NAALADL2: variants seen among roughly 807,000 people sequenced by gnomAD.
NAALADL2 encodes the protein N-acetylated alpha-linked acidic dipeptidase like 2.
Under a neutral mutation model 87.2 loss-of-function variants are expected in NAALADL2, and 76 were observed. That is an observed-to-expected ratio of 0.87 (90% confidence interval 0.72 to 1.05). NAALADL2 has a LOEUF of 1.05. Ranked by LOEUF, NAALADL2 falls within the 50% of genes least tolerant of loss-of-function variation. NAALADL2 has a pLI of 0.00. For synonymous variants in NAALADL2, 354 were observed against 331.0 expected (o/e 1.07, Z -0.75); for missense variants, 1,089 against 945.8 (o/e 1.15, Z -1.99).
chr3:175,687,805 G>C (rs867952873), intron 11 of NAALADL2, among the ~76,000 whole-genome samples: 1 of 151,954 alleles, frequency 6.6e-6, no homozygotes, highest in African/African-American at 2.4e-5. Flanking sequence ...AGGAAATCTA[G>C]TTGTTTAAAA....
At position 175,505,109 on chromosome 3, in the gene NAALADL2, G is replaced by T. The variant is rs535983567; in HGVS notation, c.1653+33351G>T. 4.6e-5 allele frequency among the ~76,000 whole-genome samples: 7 copies of T among 152,086 alleles called. No individual in the cohort carries two copies. In the South Asian group the frequency reaches 1.0e-3, roughly 23 times the overall value. ...TCACCATGTAAAAATCTCCTATTATGCTGAGACTACCATCTGTGAGAAACT... is the reference window on the plus strand; with the variant it reads ...TCACCATGTAAAAATCTCCTATTATTCTGAGACTACCATCTGTGAGAAACT... On this transcript the variant is annotated intron_variant, in intron 9 of 13. Coordinates refer to ENST00000454872, the MANE Select transcript of NAALADL2 (RefSeq NM_207015.3).
chr3:174,785,763 T>C (rs933935441), intron 3 of NAALADL2, among the ~76,000 whole-genome samples: 10 of 152,200 alleles, frequency 6.6e-5, no homozygotes, highest in African/African-American at 2.2e-4. Flanking sequence ...TTTTGTCTTA[T>C]GCTGTTTGAA....
intron 11 of NAALADL2, among the ~76,000 whole-genome samples, chr3:175,714,338 C>T (rs190765473): frequency 2.0e-5 from 3 of 152,180 alleles, no homozygotes; most frequent in African/African-American, 7.2e-5. Context: ...CTAATTTATG[C>T]TCCCACCAAC....
intron 1 of NAALADL2, among the ~76,000 whole-genome samples, chr3:174,917,994 ATATT>A (rs1039208116): frequency 1.2e-4 from 19 of 152,296 alleles, no homozygotes; most frequent in African/African-American, 4.6e-4. Flanking sequence ...TTCATATTAA[ATATT>A]TATGATGAAA....
intron 2 of NAALADL2, among the ~76,000 whole-genome samples, chr3:174,708,288 A>G (rs560510786): frequency 7.2e-5 from 11 of 152,286 alleles, no homozygotes; most frequent in Middle Eastern, 3.4e-3. Flanking sequence ...GAGACTTTCC[A>G]TTGGGAAACT....
Position 175,143,422 on chromosome 3 carries a change from G to A in NAALADL2, c.545+46131G>A, listed in dbSNP as rs559621161. Among the ~76,000 whole-genome samples the A allele has an allele frequency of 2.0e-4, 31 of 151,864 alleles. 3 individuals are homozygous for A. In the South Asian group the frequency reaches 6.0e-3, roughly 30 times the overall value. On this transcript the variant is annotated intron_variant, in intron 2 of 13. Coordinates refer to ENST00000454872, the MANE Select transcript of NAALADL2 (RefSeq NM_207015.3). ...ATGCTTTGTGTCACTTCTGAAAAGA[G>A]GCTAGTGCAAAACTGCTAACTCTCC...
chr3:175,145,159 A>C (rs1263194803), intron 2 of NAALADL2, among the ~76,000 whole-genome samples: 1 of 151,994 alleles, frequency 6.6e-6, no homozygotes, highest in African/African-American at 2.4e-5. Context: ...CTTATTCTTC[A>C]TTTAGGTGGT....
At chr3:175,441,109 A>G (rs553203600) in intron 5 of NAALADL2, among the ~76,000 whole-genome samples, 2 of 152,150 alleles carry the variant, frequency 1.3e-5, no homozygotes, top group South Asian at 4.2e-4. Context: ...AAATTACACT[A>G]TAAAAAATAT....
At chr3:175,590,206 C>T (rs1457316291) in intron 10 of NAALADL2, among the ~76,000 whole-genome samples, 9 of 52,072 alleles carry the variant, frequency 1.7e-4, no homozygotes, top group South Asian at 6.2e-4. Flanking sequence ...AGCGAGACTC[C>T]GTCTAATATA....
chr3:174,785,503 G>T (rs542895084), intron 3 of NAALADL2, among the ~76,000 whole-genome samples: 1 of 152,058 alleles, frequency 6.6e-6, no homozygotes. Context: ...TGCTCTATGT[G>T]TCTGTTTTTG....
At chr3:175,217,090 C>T (rs151134757) in intron 2 of NAALADL2, among the ~76,000 whole-genome samples, 132 of 152,220 alleles carry the variant, frequency 8.7e-4, no homozygotes, top group African/African-American at 2.8e-3. Context: ...AGGTGTTTTG[C>T]ATACTCTTGT....
intron 4 of NAALADL2, among the ~76,000 whole-genome samples, chr3:175,317,156 A>G (rs898105057): frequency 6.6e-6 from 1 of 152,196 alleles, no homozygotes; most frequent in Non-Finnish European, 1.5e-5. Context: ...TGTATTGATT[A>G]TAAAAGGGGT....
At chr3:174,508,805 T>C (rs1719391387) in intron 1 of NAALADL2, among the ~76,000 whole-genome samples, 1 of 152,316 alleles carries the variant, frequency 6.6e-6, no homozygotes, top group African/African-American at 2.4e-5. Flanking sequence ...CCTAGCACTT[T>C]GGGAGGCCGA....
intron 1 of NAALADL2, among the ~76,000 whole-genome samples, chr3:174,947,851 T>TAATA: frequency 6.6e-6 from 1 of 152,242 alleles, no homozygotes; most frequent in Admixed American, 6.5e-5. Flanking sequence ...TTTCAAAGAC[T>TAATA]TGCACTGAGC....
chr3:174,652,174 A>G (rs981601499), intron 2 of NAALADL2, among the ~76,000 whole-genome samples: 7 of 152,196 alleles, frequency 4.6e-5, no homozygotes, highest in African/African-American at 1.7e-4. Flanking sequence ...CTGGGAGAAC[A>G]CAATGGGAAT....
chr3:175,192,710 G>A (rs932625028), intron 2 of NAALADL2, among the ~76,000 whole-genome samples: 1 of 151,992 alleles, frequency 6.6e-6, no homozygotes, highest in Non-Finnish European at 1.5e-5. Flanking sequence ...AACGATGTTA[G>A]CCAAATATAT....
chr3:174,472,584 A>G (rs1202153990), intron 1 of NAALADL2, among the ~76,000 whole-genome samples: 2 of 152,136 alleles, frequency 1.3e-5, no homozygotes, highest in Non-Finnish European at 2.9e-5. Context: ...TTACTATGTT[A>G]TTTCATCAAG....
intron 11 of NAALADL2, among the ~76,000 whole-genome samples, chr3:175,704,514 C>T (rs1308833014): frequency 6.6e-6 from 1 of 152,114 alleles, no homozygotes. Context: ...AACCAGGAAG[C>T]TAAGTAAAGT....
chr3:175,667,962 TAAGG>T (rs1733436030), intron 11 of NAALADL2, among the ~76,000 whole-genome samples: 2 of 152,152 alleles, frequency 1.3e-5, no homozygotes, highest in Non-Finnish European at 2.9e-5. Context: ...ACTCACTGCA[TAAGG>T]GACCATCCAG....
Sources: gnomAD v4.1 joint callset for allele counts (sites outside exome capture counted in the v4.1 genomes callset) on GRCh38, gnomAD v4.1.1 for gene constraint, MANE v1.5 for transcripts, NCBI Gene and HGNC (gene_info 2026-07-23, HGNC 2026-07-21) for gene names.